Variants in ZNF782 observed in about 807,000 individuals in gnomAD.
ZNF782 encodes the protein zinc finger protein 782.
Under a neutral mutation model 13.0 loss-of-function variants are expected in ZNF782, and 12 were observed. The observed-to-expected ratio is 0.92, with a 90% CI of 0.59 to 1.50. The LOEUF (loss-of-function observed/expected upper bound fraction) is 1.50, where lower values mean the gene tolerates loss of function less well. ZNF782 is among the 40% of genes most tolerant of loss of function. The probability of loss-of-function intolerance (pLI) is 0.00; values close to 1 mark genes in which losing one functional copy is unlikely to be tolerated. For synonymous variants in ZNF782, 284 were observed against 283.0 expected (o/e 1.00, Z -0.04); for missense variants, 770 against 822.9 (o/e 0.94, Z 0.79).
intron 3 of ZNF782, among the ~76,000 whole-genome samples, chr9:96,849,468 A>G (rs894503457): frequency 6.6e-6 from 1 of 152,260 alleles, no homozygotes; most frequent in Non-Finnish European, 1.5e-5. Flanking sequence ...AGCCACATGC[A>G]GAATAATGAA....
At chr9:96,903,803 C>T in the ZNF782 span, among the ~76,000 whole-genome samples, 608 of 151,816 alleles carry the variant, frequency 4.0e-3, 13 homozygotes, top group East Asian at 3.9e-3. Flanking sequence ...ACCTTGTGAT[C>T]CACCTGCCTC....
chr9:96,911,510 G>GTTT, the ZNF782 span, among the ~76,000 whole-genome samples: 55 of 109,666 alleles, frequency 5.0e-4, 1 homozygote, highest in East Asian at 4.3e-3. Flanking sequence ...TTTTTTTTTT[G>GTTT]TTTTTGTTTT....
intron 4 of ZNF782, among the ~76,000 whole-genome samples, chr9:96,830,002 G>A (rs1217531427): frequency 1.3e-5 from 2 of 152,114 alleles, no homozygotes; most frequent in Admixed American, 6.5e-5. Context: ...TGAGTTCCCC[G>A]CACTTCTCTT....
At position 96,844,977 on chromosome 9, in the gene ZNF782, G is replaced by A. The variant is rs748971544; in HGVS notation, c.55C>T (p.Gln19Ter). 7.4e-6 allele frequency: 12 copies of A among 1,613,888 alleles called. No individual in the cohort carries two copies. The Admixed American group carries it at 2.0e-4, about 27-fold the overall frequency. ...SFQDVTVEFS[Q>*]EEWQHMGPVE... ...GGGCCCATGTGCTGCCACTCCTCCT[G>A]GCTGAATTCCACAGTCACGTCCTGG... Residue 19 changes from glutamine (Q) to a stop codon, truncating the protein, a stop_gained, in exon 4 of 6, where the codon CAG becomes TAG. Coordinates refer to ENST00000481138, the MANE Select transcript of ZNF782 (RefSeq NM_001001662.3). LOFTEE classifies it high-confidence loss of function.
chr9:96,875,337 T>G, intron 1 of ZNF782: 2 of 384,330 alleles, frequency 5.2e-6, no homozygotes, highest in Admixed American at 6.2e-5. Context: ...GTAACTGCAC[T>G]TGGCTGTTTG....
At chr9:96,838,335 A>G (rs1851067832) in intron 4 of ZNF782, among the ~76,000 whole-genome samples, 1 of 152,250 alleles carries the variant, frequency 6.6e-6, no homozygotes, top group East Asian at 1.9e-4. Flanking sequence ...AGAAGAATGT[A>G]TATTTTTCTA....
chr9:96,914,955 C>T, the ZNF782 span, among the ~76,000 whole-genome samples: 4 of 149,580 alleles, frequency 2.7e-5, no homozygotes, highest in South Asian at 2.2e-4. Flanking sequence ...TCCTGAGAGA[C>T]GAAAGCACCA....
At chr9:96,899,746 T>C in the ZNF782 span, among the ~76,000 whole-genome samples, 1 of 152,170 alleles carries the variant, frequency 6.6e-6, no homozygotes, top group African/African-American at 2.4e-5. Context: ...CTCTCAATAA[T>C]GAACCTGCCT....
In ZNF782 at chr9:96,844,899, C is replaced by T. The variant is rs146567371; in HGVS notation, c.133G>A (p.Val45Ile). The change falls in exon 4 of 6, where the codon GTC becomes ATC. Residue 45 changes from valine (V) to isoleucine (I), a missense_variant. Physicochemically the swap from Val to Ile is conservative, Grantham distance 29. Transcript: ENST00000481138. ...GGTAAGCTGTGCTCACCCACTGAGA[C>T]GAGGTGGCTGTAGTTCTCCAGCATC... is the stretch of plus-strand genomic sequence containing the variant. ...DVMLENYSHL[V>I]SVGYCFTKPE... 3.2e-5 allele frequency: 52 copies of T among 1,613,842 alleles called. No homozygotes were observed. In the African/African-American group the frequency reaches 3.5e-4, roughly 11 times the overall value.
intron 1 of ZNF782, among the ~76,000 whole-genome samples, chr9:96,871,027 C>A (rs552062886): frequency 6.6e-6 from 1 of 152,228 alleles, no homozygotes; most frequent in South Asian, 2.1e-4. Flanking sequence ...TGGTGTATTT[C>A]TTGTGAACTA....
chr9:96,855,848 G>A (rs1851634335), upstream of ZNF782, among the ~76,000 whole-genome samples: 1 of 152,188 alleles, frequency 6.6e-6, no homozygotes, highest in Non-Finnish European at 1.5e-5. Flanking sequence ...TTCCATTGTG[G>A]TTGTACTAGT....
chr9:96,821,685 T>G (rs79111262), intron 5 of ZNF782, among the ~76,000 whole-genome samples: 1 of 149,384 alleles, frequency 6.7e-6, no homozygotes, highest in Non-Finnish European at 1.5e-5. Context: ...TTTTTTTTTT[T>G]CTTGAGACAG....
At chr9:96,913,264 G>A in the ZNF782 span, among the ~76,000 whole-genome samples, 1 of 151,646 alleles carries the variant, frequency 6.6e-6, no homozygotes, top group African/African-American at 2.4e-5. Context: ...GCAGTGAGCC[G>A]AGATCACACC....
chr9:96,819,155 C>CTGT lies in ZNF782; in HGVS notation c.865_867dup (p.Thr289dup). 1 of 1,613,406 alleles carries CTGT rather than the reference C, an allele frequency of 6.2e-7. No individual in the cohort carries two copies. Among genetic ancestry groups the CTGT allele is most frequent in the Non-Finnish European group, 8.5e-7 (1 of 1,179,690 alleles). On this transcript the variant is annotated inframe_insertion, in exon 6 of 6. Transcript: ENST00000481138. ...GACTTTTGGCTGAAGGATTTCCCTC[C>CTGT]TGTGAGAGTTTTGTGAGTGATTCTA... is the stretch of plus-strand genomic sequence containing the variant.
At chr9:96,841,571 T>C (rs951844057) in intron 4 of ZNF782, among the ~76,000 whole-genome samples, 27 of 151,996 alleles carry the variant, frequency 1.8e-4, no homozygotes, top group Non-Finnish European at 3.2e-4. Context: ...TGGTTCAATA[T>C]TTGAAAACTA....
chr9:96,880,136 C>A (rs547881524), upstream of ZNF782, among the ~76,000 whole-genome samples: 5 of 151,066 alleles, frequency 3.3e-5, no homozygotes, highest in Admixed American at 2.0e-4. Context: ...GTTGGCTTTG[C>A]ATTTTGTGAT....
At chr9:96,859,850 A>G (rs746241290) in intron 3 of ZNF782, among the ~76,000 whole-genome samples, 2 of 152,148 alleles carry the variant, frequency 1.3e-5, no homozygotes, top group Non-Finnish European at 2.9e-5. Context: ...TGGCTCTTAG[A>G]TGGCATCTCT....
At chr9:96,839,946 T>C (rs535003454) in intron 4 of ZNF782, among the ~76,000 whole-genome samples, 3 of 152,314 alleles carry the variant, frequency 2.0e-5, no homozygotes, top group South Asian at 4.1e-4. Context: ...TGATATTCTA[T>C]TGCTCTTACA....
chr9:96,902,888 C>A, the ZNF782 span: 3 of 150,844 alleles, frequency 2.0e-5, no homozygotes, highest in African/African-American at 7.3e-5. Flanking sequence ...CTGCAGCCTC[C>A]CCCTCCTGGG....
Sources: allele counts gnomAD v4.1 joint callset (sites outside exome capture counted in the v4.1 genomes callset), GRCh38; gene constraint gnomAD v4.1.1; transcripts MANE v1.5; gene names NCBI Gene and HGNC (gene_info 2026-07-23, HGNC 2026-07-21).